IQCJ: variants seen among roughly 807,000 people sequenced by gnomAD.
IQCJ encodes the protein IQ motif containing J.
IQCJ carries 9 observed loss-of-function variants against 11.0 expected under a neutral mutation model. The ratio of observed to expected loss-of-function variants is 0.82; its 90% CI spans 0.49 to 1.43. The LOEUF (loss-of-function observed/expected upper bound fraction) is 1.43, where lower values mean the gene tolerates loss of function less well. Ranked by LOEUF, IQCJ falls within the 40% of genes most tolerant of loss-of-function variation. The pLI, the probability that IQCJ is intolerant of heterozygous loss-of-function variation, is 0.00. For synonymous variants in IQCJ, 55 were observed against 51.3 expected, an observed-to-expected ratio of 1.07 and a Z score of -0.31; for missense variants, 146 against 133.2, an observed-to-expected ratio of 1.10 and a Z score of -0.47.
chr3:159,216,712 G>T (rs1725255797), intron 1 of IQCJ, among the ~76,000 whole-genome samples: 1 of 152,056 alleles, frequency 6.6e-6, no homozygotes, highest in Non-Finnish European at 1.5e-5. Flanking sequence ...CCCAAAATGA[G>T]CTTGTAGAAA....
intron 1 of IQCJ, among the ~76,000 whole-genome samples, chr3:159,133,369 T>C (rs1720105687): frequency 6.6e-6 from 1 of 152,226 alleles, no homozygotes; most frequent in South Asian, 2.1e-4. Flanking sequence ...TTAGAAAACA[T>C]GTGAAGGTGA....
At chr3:159,142,552 G>C (rs1296683086) in intron 1 of IQCJ, among the ~76,000 whole-genome samples, 3 of 152,050 alleles carry the variant, frequency 2.0e-5, no homozygotes, top group African/African-American at 4.8e-5. Context: ...GAGTTGCTGG[G>C]ATTACAGGCA....
At chr3:159,188,480 T>A (rs1368071247) in intron 1 of IQCJ, among the ~76,000 whole-genome samples, 2 of 152,152 alleles carry the variant, frequency 1.3e-5, no homozygotes, top group Non-Finnish European at 2.9e-5. Flanking sequence ...CAGCTTTAGA[T>A]TTACATAAAA....
intron 3 of IQCJ, among the ~76,000 whole-genome samples, chr3:159,253,812 A>G (rs917006427): frequency 6.6e-6 from 1 of 152,262 alleles, no homozygotes; most frequent in Non-Finnish European, 1.5e-5. Flanking sequence ...AACAACACCA[A>G]GTTGTTGCTG....
At chr3:159,205,939 C>G (rs568643165) in intron 1 of IQCJ, among the ~76,000 whole-genome samples, 1 of 152,208 alleles carries the variant, frequency 6.6e-6, no homozygotes, top group African/African-American at 2.4e-5. Flanking sequence ...CTGGACACCA[C>G]CTTTCACTTG....
At chr3:159,212,308 T>C (rs1456481813) in intron 1 of IQCJ, among the ~76,000 whole-genome samples, 1 of 152,152 alleles carries the variant, frequency 6.6e-6, no homozygotes, top group Non-Finnish European at 1.5e-5. Context: ...ACTTTGTAGC[T>C]GCGTGGTCCT....
intron 1 of IQCJ, among the ~76,000 whole-genome samples, chr3:159,220,185 A>T (rs1024094708): frequency 6.6e-6 from 1 of 152,158 alleles, no homozygotes; most frequent in African/African-American, 2.4e-5. Context: ...GAAAAGGGTT[A>T]TGGGGATACA....
At chr3:159,144,117 G>A (rs753124843) in intron 1 of IQCJ, among the ~76,000 whole-genome samples, 1 of 152,140 alleles carries the variant, frequency 6.6e-6, no homozygotes, top group African/African-American at 2.4e-5. Context: ...TTGGAATTAA[G>A]TTTCAACATG....
intron 1 of IQCJ, among the ~76,000 whole-genome samples, chr3:159,094,477 T>G (rs942694700): frequency 2.1e-5 from 3 of 144,168 alleles, no homozygotes; most frequent in Non-Finnish European, 4.5e-5. Flanking sequence ...TATATGTCCA[T>G]GATAATTTCT....
chr3:159,244,285 A>C (rs1214635933), intron 1 of IQCJ, among the ~76,000 whole-genome samples: 1 of 152,196 alleles, frequency 6.6e-6, no homozygotes, highest in Non-Finnish European at 1.5e-5. Context: ...AGAAGAGGAC[A>C]GATGGCTGGG....
chr3:159,161,779 A>C (rs1721874659), intron 1 of IQCJ, among the ~76,000 whole-genome samples: 1 of 152,222 alleles, frequency 6.6e-6, no homozygotes, highest in Non-Finnish European at 1.5e-5. Context: ...ACCATTTATT[A>C]AATAGGGAAT....
intron 1 of IQCJ, among the ~76,000 whole-genome samples, chr3:159,244,648 A>C (rs1727140425): frequency 6.6e-6 from 1 of 152,166 alleles, no homozygotes; most frequent in Non-Finnish European, 1.5e-5. Flanking sequence ...TTTGCTGATG[A>C]CAGACTGTAA....
In IQCJ at chr3:159,174,129, A is replaced by G. The variant is rs187186445; in HGVS notation, c.10-71714A>G. Among the ~76,000 whole-genome samples the G allele has an allele frequency of 3.2e-3, 481 of 152,186 alleles. 1 individual carries two copies. Among genetic ancestry groups the G allele is most frequent in the African/African-American group, 0.011 (455 of 41,542 alleles). ...GCAGTGACTATCCTTTTTCATTTTT[A>G]AAACTTATAATTCTTGTTTTTTAAT... is the stretch of plus-strand genomic sequence containing the variant. On this transcript the variant is annotated intron_variant, in intron 1 of 3. Coordinates refer to ENST00000397832, the MANE Select transcript of IQCJ (RefSeq NM_001042706.3).
At chr3:159,207,577 AT>A (rs1440028782) in intron 1 of IQCJ, among the ~76,000 whole-genome samples, 1 of 152,166 alleles carries the variant, frequency 6.6e-6, no homozygotes, top group Non-Finnish European at 1.5e-5. Context: ...TTTCAAAACT[AT>A]TGCAGCTCTG....
chr3:159,200,607 G>A (rs1724273059), intron 1 of IQCJ, among the ~76,000 whole-genome samples: 1 of 152,190 alleles, frequency 6.6e-6, no homozygotes, highest in South Asian at 2.1e-4. Flanking sequence ...ACAGGTTAGG[G>A]TGTGAGCACT....
intron 1 of IQCJ, among the ~76,000 whole-genome samples, chr3:159,228,243 G>T (rs1255092900): frequency 1.3e-5 from 2 of 152,142 alleles, no homozygotes; most frequent in East Asian, 3.8e-4. Flanking sequence ...GCTCAGCTGA[G>T]ATTTAATTTC....
chr3:159,151,731 G>T (rs1044766165), intron 1 of IQCJ, among the ~76,000 whole-genome samples: 1 of 152,206 alleles, frequency 6.6e-6, no homozygotes, highest in African/African-American at 2.4e-5. Flanking sequence ...CACCTCCCAG[G>T]TTCACACCTT....
chr3:159,243,553 C>T (rs77035659), intron 1 of IQCJ, among the ~76,000 whole-genome samples: 4,285 of 151,912 alleles, frequency 0.028, 112 homozygotes, highest in East Asian at 0.11. Flanking sequence ...AAGTCTAGAA[C>T]AGGCAAAACT....
intron 1 of IQCJ, among the ~76,000 whole-genome samples, chr3:159,108,711 C>A (rs962751778): frequency 1.1e-4 from 16 of 152,204 alleles, no homozygotes; most frequent in Admixed American, 5.9e-4. Context: ...TCCCCCAAGA[C>A]TGGGCACAGC....
Sources: allele counts gnomAD v4.1 joint callset (sites outside exome capture counted in the v4.1 genomes callset), GRCh38; gene constraint gnomAD v4.1.1; transcripts MANE v1.5; gene names NCBI Gene and HGNC (gene_info 2026-07-23, HGNC 2026-07-21).